CHAT: variants seen among roughly 807,000 people sequenced by gnomAD.
CHAT encodes acetyl CoA:choline O-acetyltransferase.
In CHAT, 61 loss-of-function variants were observed where a neutral mutation model predicts 76.9. That is an observed-to-expected ratio of 0.79 (90% CI 0.65 to 0.98). The LOEUF is 0.98. Ranked by LOEUF, CHAT falls within the 50% of genes least tolerant of loss-of-function variation. The pLI is 0.00. For synonymous variants in CHAT, 407 were observed against 397.4 expected (o/e 1.02, Z -0.29); for missense variants, 946 against 986.9 (o/e 0.96, Z 0.56).
intron 7 of CHAT, among the ~76,000 whole-genome samples, chr10:49,644,786 C>T (rs1917815): frequency 0.97 from 147,389 of 152,284 alleles, 71,545 homozygotes; most frequent in Middle Eastern, 1. Context: ...CCTTGTGAAC[C>T]TGGAGAATTC....
intron 2 of CHAT, among the ~76,000 whole-genome samples, chr10:49,618,447 G>T (rs1005412179): frequency 6.6e-6 from 1 of 152,186 alleles, no homozygotes; most frequent in Non-Finnish European, 1.5e-5. Flanking sequence ...TATAAGTTCT[G>T]CCTTCCTATT....
At chr10:49,662,572 A>C in intron 13 of CHAT, 73 bp from the exon 14 acceptor site, 1 of 1,590,346 alleles carries the variant, frequency 6.3e-7, no homozygotes, top group Non-Finnish European at 8.6e-7. Flanking sequence ...AGTCCTGTAG[A>C]CTACAGAGCA....
upstream of CHAT, chr10:49,610,989 G>T (rs150436609): frequency 1.2e-6 from 2 of 1,612,264 alleles, no homozygotes; most frequent in South Asian, 1.1e-5. Context: ...CCACCCTGCC[G>T]CTGCCCACTC....
chr10:49,621,536 T>C (rs1838708678), intron 4 of CHAT, among the ~76,000 whole-genome samples: 1 of 152,150 alleles, frequency 6.6e-6, no homozygotes, highest in Non-Finnish European at 1.5e-5. Flanking sequence ...CTCGATTTCC[T>C]TTTCATTAGT....
In CHAT at chr10:49,625,263, G is replaced by C. The variant is rs182646162; in HGVS notation, c.753-210G>C. Reference sequence around the variant, plus strand: ...TGCCGTGCATGAGGCAGAGGTTTGAGAAAACTCTGAGGGTCTCCACGTGTT... The same window carrying C: ...TGCCGTGCATGAGGCAGAGGTTTGACAAAACTCTGAGGGTCTCCACGTGTT... On this transcript the variant is annotated intron_variant, in intron 5 of 14. Coordinates refer to ENST00000337653, the MANE Select transcript of CHAT (RefSeq NM_020549.5). Among the ~76,000 whole-genome samples, 26 of 152,318 alleles carry C rather than the reference G, an allele frequency of 1.7e-4. No individual in the cohort carries two copies. In the East Asian group the frequency reaches 5.0e-3, roughly 29 times the overall value.
chr10:49,634,702 T>G (rs1048162655), intron 7 of CHAT, among the ~76,000 whole-genome samples: 8 of 151,926 alleles, frequency 5.3e-5, no homozygotes, highest in Non-Finnish European at 7.4e-5. Flanking sequence ...TAGGAGGTGG[T>G]TTTTTTTGTT....
At chr10:49,627,428 G>T (rs61846641) in intron 6 of CHAT, among the ~76,000 whole-genome samples, 180 bp from the exon 7 acceptor site, 1 of 152,138 alleles carries the variant, frequency 6.6e-6, no homozygotes, top group African/African-American at 2.4e-5. Context: ...TGGGGGCAGC[G>T]TGGAATCCAG....
chr10:49,632,762 G>A (rs1839168380), intron 7 of CHAT, among the ~76,000 whole-genome samples: 1 of 152,190 alleles, frequency 6.6e-6, no homozygotes, highest in East Asian at 1.9e-4. Context: ...CAACCAGGAT[G>A]ACTCCCTCCT....
intron 5 of CHAT, among the ~76,000 whole-genome samples, chr10:49,623,287 T>C (rs1838795743): frequency 6.6e-6 from 1 of 151,754 alleles, no homozygotes; most frequent in African/African-American, 2.4e-5. Context: ...ACGAGACCAC[T>C]TTCCTTCTGA....
chr10:49,629,733 G>T lies in CHAT; in HGVS notation c.1111+1948G>T, dbSNP rs185968439. Among the ~76,000 whole-genome samples, 251 of 152,372 alleles carry T rather than the reference G, an allele frequency of 1.6e-3. 1 individual carries two copies. Among genetic ancestry groups the T allele is most frequent in the African/African-American group, 5.5e-3 (229 of 41,594 alleles). ...ATGCGACAGAAAGGAGGGGACACAT[G>T]CGCCTCCCCTTGGGTAATCCGATTA... On this transcript the variant is annotated intron_variant, in intron 7 of 14. Transcript: ENST00000337653.
rs114246134 is a variant in CHAT at position 49,622,205 on chromosome 10, T to A, written c.752+55T>A. The A allele has an allele frequency of 1.6e-3, 2,567 of 1,560,670 alleles. 43 individuals carry two copies. In the African/African-American group the frequency reaches 0.031, roughly 19 times the overall value. On this transcript the variant is annotated intron_variant, in intron 5 of 14. Coordinates refer to ENST00000337653, the MANE Select transcript of CHAT (RefSeq NM_020549.5). ...AGCACAGTCTGCCTATGCGTCTATC[T>A]CCCTTGCAGGGACCTTGTCTTTTTC... is the stretch of plus-strand genomic sequence containing the variant.
intron 13 of CHAT, among the ~76,000 whole-genome samples, chr10:49,661,869 C>A (rs1404250309): frequency 6.6e-6 from 1 of 152,204 alleles, no homozygotes; most frequent in Non-Finnish European, 1.5e-5. Context: ...GTGAACCCCT[C>A]CTACATTGAC....
upstream of CHAT, chr10:49,610,614 T>A: frequency 1.1e-6 from 1 of 940,618 alleles, no homozygotes; most frequent in Non-Finnish European, 1.5e-6. Flanking sequence ...CGCGGCCACC[T>A]GAGGCACAGG....
intron 7 of CHAT, among the ~76,000 whole-genome samples, chr10:49,628,677 G>A (rs958625906): frequency 1.3e-5 from 2 of 152,236 alleles, no homozygotes; most frequent in Admixed American, 6.5e-5. Context: ...GGACTTCAGA[G>A]AGGGGACGGA....
At chr10:49,632,094 G>A (rs1388503354) in intron 7 of CHAT, among the ~76,000 whole-genome samples, 2 of 152,134 alleles carry the variant, frequency 1.3e-5, no homozygotes, top group East Asian at 1.9e-4. Context: ...GAGTGTGGAG[G>A]AAAACAACAG....
chr10:49,625,833 G>T (rs889926522), intron 6 of CHAT, among the ~76,000 whole-genome samples, 180 bp downstream of exon 6: 12 of 152,156 alleles, frequency 7.9e-5, no homozygotes, highest in Non-Finnish European at 1.6e-4. Flanking sequence ...TCCACCAGTT[G>T]CCTTCTAAGA....
rs1310258018 is a variant in CHAT at position 49,667,255 on chromosome 10, T to C, written c.*2209T>C. On this transcript the variant is annotated 3_prime_UTR_variant, in exon 15 of 15. Coordinates refer to ENST00000337653, the MANE Select transcript of CHAT (RefSeq NM_020549.5). ...TCTCCTAGTCTATGGCATGCTATCA[T>C]GGGGTCAAGTAGGGGCAGGGAGGCT... Among the ~76,000 whole-genome samples the C allele has an allele frequency of 1.3e-5, 2 of 152,148 alleles. No homozygotes were observed. The highest frequency in any genetic ancestry group is 2.9e-5 in the Non-Finnish European group (2 of 67,992).
At chr10:49,610,067 C>T (rs1838248881), upstream of CHAT, among the ~76,000 whole-genome samples, 1 of 151,806 alleles carries the variant, frequency 6.6e-6, no homozygotes, top group African/African-American at 2.4e-5. Context: ...GCTACCGGCG[C>T]GGAACGCCCA....
intron 8 of CHAT, 69 bp from the exon 9 acceptor site, chr10:49,648,438 C>G (rs1470172656): frequency 1.6e-6 from 2 of 1,257,868 alleles, no homozygotes; most frequent in African/African-American, 2.9e-5. Flanking sequence ...GGGGCCTAAC[C>G]TGGGGCCAAG....
Sources: gnomAD v4.1 joint callset for allele counts (sites outside exome capture counted in the v4.1 genomes callset) on GRCh38, gnomAD v4.1.1 for gene constraint, MANE v1.5 for transcripts, NCBI Gene and HGNC (gene_info 2026-07-23, HGNC 2026-07-21) for gene names.